The following DST variants were observed in gnomAD, a reference collection of about 807,000 sequenced individuals.
The protein encoded by DST is dystonin.
In DST, 253 loss-of-function variants were observed where a neutral mutation model predicts 875.2. The observed-to-expected ratio is 0.29, with a 90% confidence interval of 0.26 to 0.32. The LOEUF is 0.32. Ranked by LOEUF, DST falls within the 10% of genes least tolerant of loss-of-function variation. The probability of loss-of-function intolerance (pLI) is 1.00; values close to 1 mark genes in which losing one functional copy is unlikely to be tolerated. For synonymous variants in DST, 3,124 were observed against 3,197.1 expected (o/e 0.98, Z 0.77); for missense variants, 8,287 against 9,111.6 (o/e 0.91, Z 3.68).
chr6:56,555,433 T>C lies in DST; in HGVS notation c.15048A>G (p.Ala5016=). Residue 5016 remains alanine (A), a synonymous_variant, in exon 60 of 104, where the codon GCA becomes GCG. Transcript: ENST00000680361. ...VAQALCEDLS[A]LVKEEYLKAE... is the part of the protein sequence containing the mutation. ...CTTTCAAGTACTCTTCTTTAACCAG[T>C]GCTGACAAATCCTCACAGAGTGCCT... 1 of 1,614,028 alleles carries C rather than the reference T, an allele frequency of 6.2e-7. No individual in the cohort carries two copies. Among genetic ancestry groups the C allele is most frequent in the Non-Finnish European group, 8.5e-7 (1 of 1,179,890 alleles).
chr6:56,795,943 C>T (rs1220903494), intron 4 of DST, among the ~76,000 whole-genome samples: 1 of 152,164 alleles, frequency 6.6e-6, no homozygotes, highest in Non-Finnish European at 1.5e-5. Flanking sequence ...CATCTTTCCT[C>T]ATGGTACTAC....
At chr6:56,669,595 C>CAA (rs531095657) in intron 10 of DST, among the ~76,000 whole-genome samples, 10,765 of 89,158 alleles carry the variant, frequency 0.12, 1,332 homozygotes, top group African/African-American at 0.34. Flanking sequence ...GACTTCATCT[C>CAA]AAAAAAAAAA....
At chr6:56,492,174 A>T in intron 85 of DST, 53 bp downstream of exon 85, 1 of 1,451,398 alleles carries the variant, frequency 6.9e-7, no homozygotes, top group Non-Finnish European at 9.7e-7. Context: ...ATATTTCAAC[A>T]GCAAGAAGTG....
intron 13 of DST, among the ~76,000 whole-genome samples, chr6:56,647,799 C>T (rs2098952372): frequency 6.6e-6 from 1 of 151,858 alleles, no homozygotes; most frequent in Non-Finnish European, 1.5e-5. Flanking sequence ...GATTCTCCTG[C>T]CTCAGCCTCC....
At chr6:56,469,364 A>G (rs901818402) in intron 97 of DST, among the ~76,000 whole-genome samples, 2 of 152,084 alleles carry the variant, frequency 1.3e-5, no homozygotes, top group African/African-American at 4.8e-5. Context: ...AGAAAAAAAA[A>G]AATAGAGAAA....
At position 56,536,916 on chromosome 6, in the gene DST, G is replaced by A; in HGVS notation, c.16633C>T (p.Pro5545Ser). 1.9e-6 allele frequency: 3 copies of A among 1,613,800 alleles called. No homozygotes were observed. The highest frequency in any genetic ancestry group is 2.5e-6 in the Non-Finnish European group (3 of 1,179,800). The part of the protein sequence containing the change: ...FKVFQKEEIE[P>S]LQGKQQDVNW... ...ACATCTTGCTGTTTACCTTGCAAGG[G>A]TTCAATCTCTTCTTTCTGGAATACC... The change falls in exon 62 of 104, where the codon CCC (proline) becomes TCC (serine). Residue 5545 changes from proline (P) to serine (S), a missense_variant. Coordinates refer to ENST00000680361, the MANE Select transcript of DST (RefSeq NM_001374736.1).
chr6:56,592,239 T>C lies in DST; in HGVS notation c.12846A>G (p.Leu4282=). 6.2e-7 allele frequency: 1 copy of C among 1,613,692 alleles called. No homozygotes were observed. The highest frequency in any genetic ancestry group is 8.5e-7 in the Non-Finnish European group (1 of 1,179,780). ...QACEATASKH[L]SEPIAVDPKN... ...TGGGGTCCACCGCAATAGGTTCAGA[T>C]AAGTGTTTGCTCGCTGTGGCCTCAC... is the stretch of plus-strand genomic sequence containing the variant. The change falls in exon 49 of 104, where the codon TTA becomes TTG. Residue 4282 remains leucine, a synonymous_variant. Coordinates refer to ENST00000680361, the MANE Select transcript of DST (RefSeq NM_001374736.1).
At chr6:56,834,357 G>C (rs2099790944) in intron 4 of DST, among the ~76,000 whole-genome samples, 1 of 152,308 alleles carries the variant, frequency 6.6e-6, no homozygotes, top group East Asian at 1.9e-4. Flanking sequence ...CCAGCACTTT[G>C]GGAGGCCAAG....
At chr6:56,770,286 C>T (rs2152976193) in intron 4 of DST, among the ~76,000 whole-genome samples, 1 of 152,284 alleles carries the variant, frequency 6.6e-6, no homozygotes, top group African/African-American at 2.4e-5. Context: ...AGGTTTTCAA[C>T]ATTTGGTCTG....
At chr6:56,624,809 T>G (rs900945287) in intron 35 of DST, among the ~76,000 whole-genome samples, 181 bp from the exon 36 acceptor site, 1 of 152,176 alleles carries the variant, frequency 6.6e-6, no homozygotes, top group Non-Finnish European at 1.5e-5. Context: ...CAAATGATAA[T>G]TCTCTTCTAA....
chr6:56,835,673 A>T (rs2099792762), intron 4 of DST, among the ~76,000 whole-genome samples: 1 of 152,192 alleles, frequency 6.6e-6, no homozygotes, highest in Non-Finnish European at 1.5e-5. Flanking sequence ...CCCAGTGTCT[A>T]TCTACCTCAC....
At chr6:56,863,731 G>T (rs1772517221) in intron 3 of DST, 1 of 152,126 alleles carries the variant, frequency 6.6e-6, no homozygotes, top group Non-Finnish European at 1.5e-5. Flanking sequence ...GTGTATCTGT[G>T]TCCATAAAAC....
In DST at chr6:56,573,707, G is replaced by C; in HGVS notation, c.13208C>G (p.Ala4403Gly). Residue 4403 changes from alanine to glycine, a missense_variant, in exon 51 of 104, where the codon GCT becomes GGT. Physicochemically the swap from Ala to Gly is moderately conservative, Grantham distance 60 (BLOSUM62 0). Transcript: ENST00000680361. The stretch of plus-strand genomic sequence containing the variant: ...GTTTTTACTGATAATATCCTGAAGA[G>C]CAGTAGAGTTTAAAGGCACTTGACC... ...EQGQVPLNST[A>G]LQDIISKNIM... is the part of the protein sequence containing the mutation. The C allele has an allele frequency of 6.2e-7, 1 of 1,613,218 alleles. No homozygotes were observed.
chr6:56,803,392 G>A (rs1461216090), intron 4 of DST, among the ~76,000 whole-genome samples: 1 of 151,330 alleles, frequency 6.6e-6, no homozygotes, highest in East Asian at 2.0e-4. Context: ...TGACACTATT[G>A]ATTAAATACA....
chr6:56,953,747 C>G, intron 2 of DST, 38 bp downstream of exon 2: 2 of 1,301,358 alleles, frequency 1.5e-6, no homozygotes, highest in Non-Finnish European at 2.0e-6. Flanking sequence ...GGAAAGAGAA[C>G]TTCTTCTGAC....
At chr6:56,735,416 T>C (rs2099519268) in intron 4 of DST, 127 bp from the exon 5 acceptor site, 2 of 687,964 alleles carry the variant, frequency 2.9e-6, no homozygotes. Context: ...AAGTTTCTTG[T>C]TAAATTTTGG....
At chr6:56,728,700 CAAAT>C (rs1229247996) in intron 5 of DST, among the ~76,000 whole-genome samples, 1 of 151,904 alleles carries the variant, frequency 6.6e-6, no homozygotes, top group South Asian at 2.1e-4. Flanking sequence ...ATTAAATAAA[CAAAT>C]AAAGCAGGTT....
chr6:56,493,281 C>T (rs1312129639), intron 83 of DST, among the ~76,000 whole-genome samples, 192 bp from the exon 84 acceptor site: 1 of 151,990 alleles, frequency 6.6e-6, no homozygotes, highest in Non-Finnish European at 1.5e-5. Flanking sequence ...ACCCTTTAAG[C>T]CTAGTAAGCA....
intron 5 of DST, among the ~76,000 whole-genome samples, chr6:56,706,028 C>T (rs1368584221): frequency 6.6e-6 from 1 of 152,140 alleles, no homozygotes; most frequent in South Asian, 2.1e-4. Context: ...CCTGTAAATA[C>T]GCCATGCTCA....
Sources: allele counts gnomAD v4.1 joint callset (sites outside exome capture counted in the v4.1 genomes callset), GRCh38; gene constraint gnomAD v4.1.1; transcripts MANE v1.5; gene names NCBI Gene and HGNC (gene_info 2026-07-23, HGNC 2026-07-21).